The following DPYSL2 variants were observed in gnomAD, a reference collection of about 807,000 sequenced individuals.
DPYSL2 encodes the protein dihydropyrimidinase-related protein 2.
A neutral mutation model predicts 69.9 loss-of-function variants in DPYSL2; 13 were observed. The observed-to-expected ratio is 0.19, with a 90% confidence interval of 0.12 to 0.30. DPYSL2 has a LOEUF of 0.30. Among genes scored for constraint, DPYSL2 ranks in the 10% least tolerant of loss-of-function variants. The pLI is 1.00. For missense variants in DPYSL2, 587 were observed against 918.9 expected (o/e 0.64, Z 4.67); for synonymous variants, 326 against 359.1 (o/e 0.91, Z 1.04).
At chr8:26,527,757 AT>A (rs1450560894) in intron 1 of DPYSL2, among the ~76,000 whole-genome samples, 42 of 151,344 alleles carry the variant, frequency 2.8e-4, no homozygotes, top group Non-Finnish European at 3.1e-4. Context: ...AATATGTATA[AT>A]TTGGGCCTTA....
At chr8:26,600,396 A>C (rs1801963825) in intron 3 of DPYSL2, among the ~76,000 whole-genome samples, 1 of 151,822 alleles carries the variant, frequency 6.6e-6, no homozygotes, top group African/African-American at 2.4e-5. Flanking sequence ...TGGTTGTGCT[A>C]TTTTACACTC....
rs985809545 is a variant in DPYSL2, at chr8:26,598,106, G to T, written c.628+14123G>T. 6.6e-6 allele frequency among the ~76,000 whole-genome samples: 1 copy of T among 152,156 alleles called. No individual in the cohort carries two copies. Among genetic ancestry groups the T allele is most frequent in the African/African-American group, 2.4e-5 (1 of 41,432 alleles). ...GCTTTGAGGATCCAGGGAGGTGGTG[G>T]CTATGGCAGGGCTTGGACAAATTAC... On this transcript the variant is annotated intron_variant, in intron 3 of 13. Transcript: ENST00000521913. The surrounding 1 kb of genome is among the most constrained non-coding windows in gnomAD (Gnocchi z 4.2).
chr8:26,651,255 G>A lies in DPYSL2; in HGVS notation c.1597-1002G>A, dbSNP rs1032924901. 2.0e-5 allele frequency among the ~76,000 whole-genome samples: 3 copies of A among 152,302 alleles called. No individual in the cohort carries two copies. In the East Asian group the frequency reaches 5.8e-4, roughly 29 times the overall value. On this transcript the variant is annotated intron_variant, in intron 11 of 13. Coordinates refer to ENST00000521913, the MANE Select transcript of DPYSL2 (RefSeq NM_001197293.3). ...GGCATTGTGCATTTACATGCCTGATGTGAGCTGCTGAGCTGGCCGAATCCG... is the reference window on the plus strand; with the variant it reads ...GGCATTGTGCATTTACATGCCTGATATGAGCTGCTGAGCTGGCCGAATCCG...
rs939470349 is a variant in DPYSL2 at position 26,626,042 on chromosome 8, T to C, written c.794-575T>C. On this transcript the variant is annotated intron_variant, in intron 4 of 13. Transcript: ENST00000521913. The surrounding 1 kb of genome is among the most constrained non-coding windows in gnomAD (Gnocchi z 4.3). Reference sequence around the variant, plus strand: ...CAACTGCTGTTGTACTTTCTGTCTGTGAAATTGACTTCTAGGGACCTCATA... The same window carrying C: ...CAACTGCTGTTGTACTTTCTGTCTGCGAAATTGACTTCTAGGGACCTCATA... Among the ~76,000 whole-genome samples, 4 of 152,232 alleles carry C rather than the reference T, an allele frequency of 2.6e-5. No homozygotes were observed. The highest frequency in any genetic ancestry group is 4.4e-5 in the Non-Finnish European group (3 of 68,046).
At chr8:26,544,524 T>C (rs1246949886) in intron 1 of DPYSL2, among the ~76,000 whole-genome samples, 1 of 152,246 alleles carries the variant, frequency 6.6e-6, no homozygotes, top group Non-Finnish European at 1.5e-5. Context: ...TAAGTTCGTC[T>C]ACTATATACA....
chr8:26,581,836 T>C (rs552762302), intron 1 of DPYSL2, 133 bp from the exon 2 acceptor site: 4 of 704,726 alleles, frequency 5.7e-6, no homozygotes, highest in Middle Eastern at 2.6e-4. Flanking sequence ...CCTTTGTCAC[T>C]GAACCTTTCC....
At position 26,604,657 on chromosome 8, in the gene DPYSL2, CT is replaced by C. The variant is rs372310488; in HGVS notation, c.629-19473del. On this transcript the variant is annotated intron_variant, in intron 3 of 13. Transcript: ENST00000521913. ...TCAACCTACTCCCTGTCAAGTCTTG[CT>C]TTTTTTTTTTTTGAGACAAGAGTCT... Among the ~76,000 whole-genome samples, 558 of 145,162 alleles carry C rather than the reference CT, an allele frequency of 3.8e-3. 1 individual carries two copies. Among genetic ancestry groups the C allele is most frequent in the African/African-American group, 6.7e-3 (268 of 39,814 alleles).
chr8:26,557,747 C>G (rs1295697382), intron 1 of DPYSL2, among the ~76,000 whole-genome samples: 1 of 151,520 alleles, frequency 6.6e-6, no homozygotes, highest in African/African-American at 2.4e-5. Context: ...CAAGATCACA[C>G]CACTGCACTC....
At position 26,653,395 on chromosome 8, in the gene DPYSL2, C is replaced by G; in HGVS notation, c.1940C>G (p.Ser647Cys). 1 of 1,612,816 alleles carries G rather than the reference C, an allele frequency of 6.2e-7. No individual in the cohort carries two copies. The highest frequency in any genetic ancestry group is 8.5e-7 in the Non-Finnish European group (1 of 1,179,314). ...RNLHQSGFSLSGAQIDDNIPR... is the reference protein window; with the variant it reads ...RNLHQSGFSLCGAQIDDNIPR... ...CTGCACCAGTCTGGATTCAGTTTGTCTGGTAGGGTTGGGGCTTGGGGAGGG... is the reference window on the plus strand; with the variant it reads ...CTGCACCAGTCTGGATTCAGTTTGTGTGGTAGGGTTGGGGCTTGGGGAGGG... Residue 647 changes from serine to cysteine, a missense_variant and splice_region_variant, in exon 13 of 14, where the codon TCT (serine) becomes TGT (cysteine). This residue lies in a region of DPYSL2 where 452 missense variants were observed against 754.3 expected (regional missense o/e 0.60). Transcript: ENST00000521913. This position sits in a 1 kb window ranked among gnomAD's most constrained non-coding sequence, Gnocchi z 5.7.
intron 7 of DPYSL2, among the ~76,000 whole-genome samples, chr8:26,631,635 G>A (rs974382509): frequency 1.3e-5 from 2 of 152,226 alleles, no homozygotes; most frequent in African/African-American, 4.8e-5. Flanking sequence ...AACTGATTAT[G>A]GAGTCTCCTT....
Position 26,624,036 on chromosome 8 carries a change from G to A in DPYSL2, c.629-107G>A, listed in dbSNP as rs780707445. On this transcript the variant is annotated intron_variant, in intron 3 of 13. Coordinates refer to ENST00000521913, the MANE Select transcript of DPYSL2 (RefSeq NM_001197293.3). This position sits in a 1 kb window ranked among gnomAD's most constrained non-coding sequence, Gnocchi z 4.7. ...AGCTGGTTGTAGAGATCACCATCTCGATTTTGAACCCAAGAAGCCTTATTC... is the reference window on the plus strand; with the variant it reads ...AGCTGGTTGTAGAGATCACCATCTCAATTTTGAACCCAAGAAGCCTTATTC... 2.5e-5 allele frequency: 30 copies of A among 1,215,020 alleles called. No individual in the cohort carries two copies. Among genetic ancestry groups the A allele is most frequent in the Middle Eastern group, 2.6e-4 (1 of 3,918 alleles). The allele number at this position is 1,215,020 out of a possible 1,614,324, so 75.3% of individuals were successfully genotyped here.
Position 26,586,476 on chromosome 8 carries a change from C to T in DPYSL2, c.628+2493C>T, listed in dbSNP as rs1389103109. Among the ~76,000 whole-genome samples the T allele has an allele frequency of 2.0e-5, 3 of 152,202 alleles. No homozygotes were observed. Among genetic ancestry groups the T allele is most frequent in the African/African-American group, 7.2e-5 (3 of 41,434 alleles). On this transcript the variant is annotated intron_variant, in intron 3 of 13. Transcript: ENST00000521913. The surrounding 1 kb of genome is among the most constrained non-coding windows in gnomAD (Gnocchi z 4.7). ...AGCCCACCATCTCCTGTCCTGCATT[C>T]CTGGGTCTGCCTCTTCCCTCCACAC...
rs373795434 is a variant in DPYSL2, at chr8:26,638,686, G to C, written c.1126+3786G>C. Among the ~76,000 whole-genome samples, 149 of 152,308 alleles carry C rather than the reference G, an allele frequency of 9.8e-4. No homozygotes were observed. The Middle Eastern group carries it at 0.01, about 10-fold the overall frequency. On this transcript the variant is annotated intron_variant, in intron 8 of 13. Coordinates refer to ENST00000521913, the MANE Select transcript of DPYSL2 (RefSeq NM_001197293.3). The stretch of plus-strand genomic sequence containing the variant: ...ACACAGAGCCAGGACCAGACGACCT[G>C]GGGGCATTTTTACTCTTGAAAAGAA...
At chr8:26,631,122 GC>G (rs1554545466) in intron 7 of DPYSL2, among the ~76,000 whole-genome samples, 2 of 152,266 alleles carry the variant, frequency 1.3e-5, no homozygotes, top group East Asian at 1.9e-4. Context: ...GAAAGAAAGG[GC>G]CCTGGCTTTG....
chr8:26,613,019 A>G (rs1181940880), intron 3 of DPYSL2, among the ~76,000 whole-genome samples: 1 of 152,232 alleles, frequency 6.6e-6, no homozygotes, highest in African/African-American at 2.4e-5. Flanking sequence ...CACTATGTCT[A>G]TGTGAGGTTG....
rs1308399741 is a variant in DPYSL2, at chr8:26,644,139, C to T, written c.1425+48C>T. On this transcript the variant is annotated intron_variant, in intron 10 of 13. Transcript: ENST00000521913. The surrounding 1 kb of genome is among the most constrained non-coding windows in gnomAD (Gnocchi z 4.5). ...CTTGGTGGCTCTCAGCCTTCCTTGT[C>T]CTCCTCATCTGGGGGCCATGGGGCT... The T allele has an allele frequency of 1.3e-6, 2 of 1,597,174 alleles. No homozygotes were observed. Among genetic ancestry groups the T allele is most frequent in the African/African-American group, 2.7e-5 (2 of 74,756 alleles).
At chr8:26,520,339 G>T (rs1808364870) in intron 1 of DPYSL2, among the ~76,000 whole-genome samples, 1 of 152,096 alleles carries the variant, frequency 6.6e-6, no homozygotes, top group African/African-American at 2.4e-5. Context: ...CAGAGGCAGG[G>T]CCTGAACCCC....
chr8:26,570,534 C>T (rs1801219704), intron 1 of DPYSL2, among the ~76,000 whole-genome samples: 2 of 151,886 alleles, frequency 1.3e-5, no homozygotes, highest in South Asian at 2.1e-4. Flanking sequence ...GTCAGGAGTT[C>T]GAGACCAGCC....
intron 11 of DPYSL2, among the ~76,000 whole-genome samples, chr8:26,649,828 C>G (rs1294535225): frequency 6.6e-6 from 1 of 152,176 alleles, no homozygotes; most frequent in Non-Finnish European, 1.5e-5. Flanking sequence ...GAGGAAGCCT[C>G]CCTGCATCAT....
Sources: allele counts gnomAD v4.1 joint callset (sites outside exome capture counted in the v4.1 genomes callset), GRCh38; gene constraint gnomAD v4.1.1; regional missense constraint gnomAD v4.1.1; non-coding constraint Gnocchi (gnomAD v3.1); transcripts MANE v1.5; gene names NCBI Gene and HGNC (gene_info 2026-07-23, HGNC 2026-07-21).